The following SP100 variants were observed in gnomAD, a reference collection of about 807,000 sequenced individuals.
The protein encoded by SP100 is nuclear autoantigen Sp-100.
A neutral mutation model predicts 130.0 loss-of-function variants in SP100; 84 were observed. That is an observed-to-expected ratio of 0.65 (90% CI 0.54 to 0.77). SP100 has a LOEUF of 0.77. Ranked by LOEUF, SP100 falls within the 30% of genes least tolerant of loss-of-function variation. The pLI is 0.00. For synonymous variants in SP100, 331 were observed against 351.7 expected (o/e 0.94, Z 0.66); for missense variants, 978 against 1,052.2 (o/e 0.93, Z 0.97).
At chr2:230,489,937 G>A (rs978034107) in intron 17 of SP100, among the ~76,000 whole-genome samples, 1 of 152,122 alleles carries the variant, frequency 6.6e-6, no homozygotes, top group Non-Finnish European at 1.5e-5. Context: ...TTCCAATTAT[G>A]TGGTCAATTT....
chr2:230,539,118 C>T, intron 24 of SP100, 149 bp from the exon 25 acceptor site: 1 of 522,640 alleles, frequency 1.9e-6, no homozygotes, highest in Non-Finnish European at 3.5e-6. Context: ...TTGCCGCAGA[C>T]CAAAATGTCT....
intron 22 of SP100, among the ~76,000 whole-genome samples, 170 bp from the exon 23 acceptor site, chr2:230,507,823 G>T (rs1304155126): frequency 6.6e-6 from 1 of 152,176 alleles, no homozygotes; most frequent in Non-Finnish European, 1.5e-5. Flanking sequence ...GCATTGAAAT[G>T]CTTCCTTGAA....
chr2:230,473,077 C>G (rs141227704), intron 15 of SP100: 29 of 347,796 alleles, frequency 8.3e-5, no homozygotes, highest in African/African-American at 5.7e-4. Flanking sequence ...AGCCTTTGCT[C>G]CTCCAGTGTT....
At chr2:230,518,362 G>A (rs1021914840) in intron 24 of SP100, among the ~76,000 whole-genome samples, 1 of 151,532 alleles carries the variant, frequency 6.6e-6, no homozygotes, top group Admixed American at 6.6e-5. Flanking sequence ...TTTAAATTTA[G>A]AATTATATAT....
At chr2:230,425,742 C>G (rs537399357) in intron 2 of SP100, among the ~76,000 whole-genome samples, 4 of 151,444 alleles carry the variant, frequency 2.6e-5, no homozygotes, top group Middle Eastern at 3.4e-3. Flanking sequence ...GTATACTAAT[C>G]TGGCTTAGGT....
intron 21 of SP100, among the ~76,000 whole-genome samples, chr2:230,504,641 T>C (rs1015213385): frequency 2.6e-5 from 4 of 152,194 alleles, no homozygotes; most frequent in African/African-American, 9.6e-5. Flanking sequence ...GAAACCAGCC[T>C]GAGTTTAGGA....
intron 17 of SP100, among the ~76,000 whole-genome samples, chr2:230,480,244 G>A (rs190375633): frequency 3.2e-4 from 48 of 152,278 alleles, no homozygotes; most frequent in Non-Finnish European, 6.2e-4. Flanking sequence ...GTAAGTGCCC[G>A]ATTAATAGTT....
chr2:230,456,400 C>T (rs181325621), intron 8 of SP100, among the ~76,000 whole-genome samples: 75 of 152,256 alleles, frequency 4.9e-4, no homozygotes, highest in Middle Eastern at 3.4e-3. Context: ...GTCGTGTTTG[C>T]ACTGAATCTG....
chr2:230,473,217 A>G, intron 15 of SP100, 107 bp from the exon 16 acceptor site: 1 of 695,754 alleles, frequency 1.4e-6, no homozygotes, highest in Non-Finnish European at 2.6e-6. Context: ...TGTAGAGCCC[A>G]TCCCTTAATT....
At chr2:230,506,179 G>GA in intron 21 of SP100, 124 bp from the exon 22 acceptor site, 2 of 966,728 alleles carry the variant, frequency 2.1e-6, no homozygotes, top group South Asian at 3.3e-5. Flanking sequence ...TATCTGACAG[G>GA]AAAATTCAGA....
chr2:230,484,147 C>T (rs977759765), intron 17 of SP100, among the ~76,000 whole-genome samples: 58 of 152,152 alleles, frequency 3.8e-4, no homozygotes, highest in Non-Finnish European at 1.5e-5. Context: ...AAAACGCACA[C>T]AAAAAAGTGG....
chr2:230,430,268 G>C (rs889780173), intron 2 of SP100, among the ~76,000 whole-genome samples: 2 of 152,192 alleles, frequency 1.3e-5, no homozygotes, highest in Admixed American at 6.5e-5. Context: ...CTCTATGGTT[G>C]TTTGGATGTT....
chr2:230,533,678 G>A (rs1377548059), intron 24 of SP100, among the ~76,000 whole-genome samples: 1 of 152,170 alleles, frequency 6.6e-6, no homozygotes, highest in Non-Finnish European at 1.5e-5. Context: ...TAGGCCAAGG[G>A]ACTGTCATGG....
rs371334325 is a variant in SP100 at position 230,443,002 on chromosome 2, A to G, written c.173A>G (p.Lys58Arg). The G allele has an allele frequency of 3.5e-5, 56 of 1,614,078 alleles. No individual in the cohort carries two copies. In the East Asian group the frequency reaches 4.5e-4, roughly 13 times the overall value. Residue 58 changes from lysine (K) to arginine (R), a missense_variant, in exon 3 of 29, where the codon AAA becomes AGA. Transcript: ENST00000340126. Reference protein sequence around the residue: ...LLYDIVFKHFKRNKVEISNAI... With the variant: ...LLYDIVFKHFRRNKVEISNAI... ...TATGACATTGTATTCAAGCACTTCA[A>G]AAGAAATAAGGTGGAGATTTCAAAT...
intron 2 of SP100, among the ~76,000 whole-genome samples, chr2:230,422,750 C>T (rs969800371): frequency 6.6e-6 from 1 of 152,106 alleles, no homozygotes; most frequent in Admixed American, 6.5e-5. Context: ...GTTCAACCTG[C>T]CAGGCTTAAC....
At chr2:230,512,029 C>G (rs1292602450) in intron 24 of SP100, among the ~76,000 whole-genome samples, 1 of 151,936 alleles carries the variant, frequency 6.6e-6, no homozygotes, top group East Asian at 1.9e-4. Flanking sequence ...ACCACATCAG[C>G]TAATTTTTTT....
intron 16 of SP100, among the ~76,000 whole-genome samples, chr2:230,473,823 C>A (rs548921812): frequency 6.6e-6 from 1 of 151,748 alleles, no homozygotes; most frequent in Non-Finnish European, 1.5e-5. Context: ...TAGTATCTCA[C>A]TATATTAGCA....
At chr2:230,540,815 T>A (rs531382972) in intron 25 of SP100, 61 bp from the exon 26 acceptor site, 30 of 1,567,826 alleles carry the variant, frequency 1.9e-5, no homozygotes, top group Admixed American at 7.1e-5. Context: ...CTTGAACAAC[T>A]GTAGGAATGG....
At chr2:230,427,838 C>T (rs187626238) in intron 2 of SP100, among the ~76,000 whole-genome samples, 8 of 152,308 alleles carry the variant, frequency 5.3e-5, no homozygotes, top group Admixed American at 4.6e-4. Context: ...CTTCTCCCCT[C>T]CCTCACATTT....
Sources: allele counts gnomAD v4.1 joint callset (sites outside exome capture counted in the v4.1 genomes callset), GRCh38; gene constraint gnomAD v4.1.1; transcripts MANE v1.5; gene names NCBI Gene and HGNC (gene_info 2026-07-23, HGNC 2026-07-21).